ABCA2: variants seen among roughly 807,000 people sequenced by gnomAD.
The protein encoded by ABCA2 is ATP-binding cassette sub-family A member 2.
Under a neutral mutation model 262.8 loss-of-function variants are expected in ABCA2, and 84 were observed. The observed-to-expected ratio is 0.32, with a 90% CI of 0.27 to 0.38. The LOEUF (loss-of-function observed/expected upper bound fraction) is 0.38, where lower values mean the gene tolerates loss of function less well. ABCA2 is among the 10% of genes least tolerant of loss of function. The pLI is 1.00. For missense variants in ABCA2, 2,662 were observed against 3,405.9 expected, an observed-to-expected ratio of 0.78 and a Z score of 5.44; for synonymous variants, 1,696 against 1,502.9, an observed-to-expected ratio of 1.13 and a Z score of -2.97.
Position 137,023,069 on chromosome 9 carries a change from A to C in ABCA2, c.164-17T>G, listed in dbSNP as rs751788972. On this transcript the variant is annotated splice_polypyrimidine_tract_variant and intron_variant, in intron 3 of 48. Transcript: ENST00000341511. Reference sequence around the variant, plus strand: ...TGTAGAAGGCTGGCAGACCCACGGGAGAGGGCAGGGTCGGGGGTGAAAGGG... The same window carrying C: ...TGTAGAAGGCTGGCAGACCCACGGGCGAGGGCAGGGTCGGGGGTGAAAGGG... 13 of 1,554,642 alleles carry C rather than the reference A, an allele frequency of 8.4e-6. No homozygotes were observed. The African/African-American group carries it at 1.8e-4, about 21-fold the overall frequency.
At chr9:137,020,625 C>A in intron 9 of ABCA2, 69 bp downstream of exon 9, 1 of 1,573,430 alleles carries the variant, frequency 6.4e-7, no homozygotes. Flanking sequence ...AGAGCCAGAG[C>A]CTAGATTCAG....
chr9:137,008,647 G>A (rs779649130), intron 47 of ABCA2, 25 bp from the exon 48 acceptor site: 6 of 1,586,920 alleles, frequency 3.8e-6, no homozygotes, highest in South Asian at 1.1e-5. Context: ...AGGCGTGTGG[G>A]GAGGGGGCTG....
intron 23 of ABCA2, 22 bp from the exon 24 acceptor site, chr9:137,015,618 G>C (rs756672769): frequency 6.2e-7 from 1 of 1,611,892 alleles, no homozygotes; most frequent in East Asian, 2.2e-5. Flanking sequence ...CCAGACCCAG[G>C]GTCAGGGGGC....
chr9:137,018,693 G>A, intron 13 of ABCA2, 26 bp downstream of exon 13: 3 of 1,574,324 alleles, frequency 1.9e-6, no homozygotes, highest in Non-Finnish European at 2.6e-6. Flanking sequence ...GTGGGGGGCT[G>A]GGGCGGGGCG....
At chr9:137,028,656 C>G, upstream of ABCA2, 2 of 1,136,392 alleles carry the variant, frequency 1.8e-6, no homozygotes, top group Non-Finnish European at 2.2e-6. The surrounding 1 kb of genome is among the most constrained non-coding windows in gnomAD (Gnocchi z 6.9). Flanking sequence ...GGCCAGCTCA[C>G]CCCCGTAAGG....
chr9:137,020,510 A>G lies in ABCA2; in HGVS notation c.1266-15T>C, dbSNP rs749612794. ...GTTCAATGGTGCTGGGGTAGGGGAC[A>G]GGGGGCCGGGCCAGGCCGTTAGGGG... On this transcript the variant is annotated splice_polypyrimidine_tract_variant and intron_variant, in intron 9 of 48. Transcript: ENST00000341511. 4 of 1,574,898 alleles carry G rather than the reference A, an allele frequency of 2.5e-6. No homozygotes were observed. Among genetic ancestry groups the G allele is most frequent in the Admixed American group, 1.7e-5 (1 of 58,302 alleles).
chr9:137,012,059 A>T, intron 34 of ABCA2, 41 bp from the exon 35 acceptor site: 1 of 1,612,388 alleles, frequency 6.2e-7, no homozygotes, highest in Non-Finnish European at 8.5e-7. Flanking sequence ...CCGGGGCTGC[A>T]GTGCCCACCT....
At position 137,017,840 on chromosome 9, in the gene ABCA2, C is replaced by T. The variant is rs1209694133; in HGVS notation, c.2158G>A (p.Val720Met). ...ACGATGTGCTGGATGGTCATGGCCACGGAGTAGACCCAGGAGATCACCATG... is the reference window on the plus strand; with the variant it reads ...ACGATGTGCTGGATGGTCATGGCCATGGAGTAGACCCAGGAGATCACCATG... Reference protein sequence around the residue: ...LCMVISWVYSVAMTIQHIVAE... With the variant: ...LCMVISWVYSMAMTIQHIVAE... The change falls in exon 16 of 49, where the codon GTG becomes ATG. Residue 720 changes from valine to methionine, a missense_variant. Transcript: ENST00000341511. The T allele has an allele frequency of 6.2e-7, 1 of 1,612,610 alleles. No individual in the cohort carries two copies. Among genetic ancestry groups the T allele is most frequent in the South Asian group, 1.1e-5 (1 of 91,088 alleles).
rs775452490 is a variant in ABCA2 at position 137,019,084 on chromosome 9, G to T, written c.1555-14C>A. 6.2e-7 allele frequency: 1 copy of T among 1,605,156 alleles called. No individual in the cohort carries two copies. The highest frequency in any genetic ancestry group is 8.5e-7 in the Non-Finnish European group (1 of 1,174,372). On this transcript the variant is annotated splice_polypyrimidine_tract_variant and intron_variant, in intron 11 of 48. Transcript: ENST00000341511. This position sits in a 1 kb window ranked among gnomAD's most constrained non-coding sequence, Gnocchi z 4.4. ...CTCTGCTACATACTTGGGGTGGAGGGGCGGCTCAGAGGGGGACCTGCGCCT... is the reference window on the plus strand; with the variant it reads ...CTCTGCTACATACTTGGGGTGGAGGTGCGGCTCAGAGGGGGACCTGCGCCT...
In ABCA2 at chr9:137,013,550, C is replaced by T. The variant is rs367736487; in HGVS notation, c.4461G>A (p.Pro1487=). 42 of 1,608,736 alleles carry T rather than the reference C, an allele frequency of 2.6e-5. No homozygotes were observed. The highest frequency in any genetic ancestry group is 7.8e-5 in the South Asian group (7 of 90,012). The change falls in exon 29 of 49, where the codon CCG becomes CCA. Residue 1487 remains proline (P), a synonymous_variant. Transcript: ENST00000341511. ...LSVPEIGDLP[P]LVLSPSQYHN... is the part of the protein sequence containing the mutation. ...GGTACTGGGAAGGTGACAGGACCAG[C>T]GGGGGCAGATCACCTGGCAGGGCGA... is the stretch of plus-strand genomic sequence containing the variant.
rs558945179 is a variant in ABCA2, at chr9:137,019,518, G to T, written c.1426-212C>A. 4.0e-5 allele frequency: 22 copies of T among 544,196 alleles called. No individual in the cohort carries two copies. Among genetic ancestry groups the T allele is most frequent in the Non-Finnish European group, 7.0e-5 (22 of 314,694 alleles). The allele number at this position is 544,196 out of a possible 1,614,324, so 33.7% of individuals were successfully genotyped here. A position where few individuals can be genotyped will look rare whatever the true frequency, so the allele number is the denominator to read the frequency against. ...GCTCACTGCAGCCTCCACCTCCCAG[G>T]CTCAAGGGATCCTCCCGCCTCAGCC... On this transcript the variant is annotated intron_variant, in intron 10 of 48. Coordinates refer to ENST00000341511, the MANE Select transcript of ABCA2 (RefSeq NM_001606.5). The surrounding 1 kb of genome is among the most constrained non-coding windows in gnomAD (Gnocchi z 4.4).
Position 137,019,256 on chromosome 9 carries a change from G to A in ABCA2, c.1476C>T (p.Val492=), listed in dbSNP as rs1490081603. The A allele has an allele frequency of 6.2e-7, 1 of 1,612,604 alleles. No homozygotes were observed. The highest frequency in any genetic ancestry group is 8.5e-7 in the Non-Finnish European group (1 of 1,179,902). The change falls in exon 11 of 49, where the codon GTC becomes GTT. Residue 492 remains valine (V), a synonymous_variant. Transcript: ENST00000341511. This position sits in a 1 kb window ranked among gnomAD's most constrained non-coding sequence, Gnocchi z 4.4. The part of the protein sequence containing the change: ...FVGNVTHYAQ[V]WLNISAEIRS... ...GGATCTCCGCCGAGATGTTGAGCCA[G>A]ACCTGGGCATAGTGAGTCACGTTGC...
At chr9:137,023,984 C>T (rs1564232405) in intron 2 of ABCA2, 144 bp from the exon 3 acceptor site, 10 of 1,534,806 alleles carry the variant, frequency 6.5e-6, no homozygotes, top group Non-Finnish European at 5.3e-6. Context: ...ACCTCCACAG[C>T]CCAGCCAGGA....
intron 31 of ABCA2, 31 bp downstream of exon 31, chr9:137,012,680 AC>A: frequency 6.2e-7 from 1 of 1,610,808 alleles, no homozygotes; most frequent in Admixed American, 1.7e-5. Context: ...GTGGCCGGCC[AC>A]CCTCACCCAC....
intron 3 of ABCA2, 119 bp downstream of exon 3, chr9:137,023,719 C>T (rs1391094023): frequency 8.5e-6 from 6 of 704,710 alleles, no homozygotes; most frequent in East Asian, 5.4e-5. Flanking sequence ...TTCCTGAGGC[C>T]GGCAGGGGGC....
At position 137,011,735 on chromosome 9, in the gene ABCA2, G is replaced by A. The variant is rs2131434431; in HGVS notation, c.5550C>T (p.Val1850=). The A allele has an allele frequency of 1.3e-6, 2 of 1,551,860 alleles. No individual in the cohort carries two copies. The highest frequency in any genetic ancestry group is 1.7e-6 in the Non-Finnish European group (2 of 1,148,152). The part of the protein sequence containing the change: ...NYVWDMLNYL[V]PATCCVIILF... The stretch of plus-strand genomic sequence containing the variant: ...GGATGATGACACAGCAGGTAGCGGG[G>A]ACCAGGTAGTTGAGCTGCAGGGGTG... The change falls in exon 36 of 49, where the codon GTC becomes GTT. Residue 1850 remains valine, a synonymous_variant. Coordinates refer to ENST00000341511, the MANE Select transcript of ABCA2 (RefSeq NM_001606.5). This position sits in a 1 kb window ranked among gnomAD's most constrained non-coding sequence, Gnocchi z 8.8.
At chr9:137,009,340 CAGCCCA>C in intron 45 of ABCA2, 24 bp downstream of exon 45, 59 of 1,456,486 alleles carry the variant, frequency 4.1e-5, no homozygotes, top group Middle Eastern at 2.4e-4. Context: ...GGGCCCGCCC[CAGCCCA>C]CCCCTGGCCC....
chr9:137,014,338 G>A lies in ABCA2; in HGVS notation c.4070C>T (p.Ala1357Val). Reference sequence around the variant, plus strand: ...CTCCGAGCACCGGGCCAGATTGCCAGCGTGACCCTCCCCAGACGCCGGGCC... The same window carrying A: ...CTCCGAGCACCGGGCCAGATTGCCAACGTGACCCTCCCCAGACGCCGGGCC... ...AEGPASGEGH[A>V]GNLARCSELT... The change falls in exon 27 of 49, where the codon GCT becomes GTT. Residue 1357 changes from alanine to valine, a missense_variant. Physicochemically the swap from Ala to Val is moderately conservative, Grantham distance 64. Around this residue, in one of 12 missense-constraint regions of ABCA2, gnomAD observed 297 missense variants for 286.5 expected, o/e 1.04. Transcript: ENST00000341511. 5 of 1,607,480 alleles carry A rather than the reference G, an allele frequency of 3.1e-6. No homozygotes were observed. The highest frequency in any genetic ancestry group is 4.2e-6 in the Non-Finnish European group (5 of 1,177,612).
rs1304700962 is a variant in ABCA2, at chr9:137,021,914, C to A, written c.655G>T (p.Gly219Cys). ...KGQEPWSRLG[G>C]NPLFRMEELL... ...ACCTCCATCCGGAACAGGGGATTGC[C>A]CCCTAGGCGGCTCCAGGGCTCCTGA... is the stretch of plus-strand genomic sequence containing the variant. Residue 219 changes from glycine to cysteine, a missense_variant, in exon 7 of 49, where the codon GGC (glycine) becomes TGC (cysteine). Gly to Cys is a radical substitution (Grantham distance 159, BLOSUM62 -3). This residue lies in a region of ABCA2 where 403 missense variants were observed against 375.9 expected (regional missense o/e 1.07). Coordinates refer to ENST00000341511, the MANE Select transcript of ABCA2 (RefSeq NM_001606.5). The surrounding 1 kb of genome is among the most constrained non-coding windows in gnomAD (Gnocchi z 6.0). 4 of 1,601,828 alleles carry A rather than the reference C, an allele frequency of 2.5e-6. No homozygotes were observed. The African/African-American group carries it at 4.0e-5, about 16-fold the overall frequency.
Sources: allele counts gnomAD v4.1 joint callset, GRCh38; gene constraint gnomAD v4.1.1; regional missense constraint gnomAD v4.1.1; non-coding constraint Gnocchi (gnomAD v3.1); transcripts MANE v1.5; gene names NCBI Gene and HGNC (gene_info 2026-07-23, HGNC 2026-07-21).